CCDC33: variants seen among roughly 807,000 people sequenced by gnomAD.
CCDC33 encodes the protein coiled-coil domain-containing protein 33.
CCDC33 carries 94 observed loss-of-function variants against 91.9 expected under a neutral mutation model. The observed-to-expected ratio is 1.02, with a 90% CI of 0.87 to 1.21. CCDC33 has a LOEUF of 1.21. Among genes scored for constraint, CCDC33 ranks in the 50% most tolerant of loss-of-function variants. The pLI is 0.00. For missense variants in CCDC33, 940 were observed against 935.5 expected, an observed-to-expected ratio of 1.00 and a Z score of -0.06; for synonymous variants, 396 against 374.5, an observed-to-expected ratio of 1.06 and a Z score of -0.66.
At chr15:74,325,117 C>A (rs1016194514) in intron 11 of CCDC33, among the ~76,000 whole-genome samples, 2 of 151,976 alleles carry the variant, frequency 1.3e-5, no homozygotes, top group African/African-American at 4.8e-5. Flanking sequence ...CTCCACCCAG[C>A]AAGGGTCCCT....
rs2059344409 is a variant in CCDC33, at chr15:74,280,745, A to G, written c.967A>G (p.Lys323Glu). ...VLPLKSRLYQ[K>E]MLTGKGLDGL... ...GCCGCTAAAGAGCCGTTTGTACCAG[A>G]AGATGCTGACAGGGAAAGGCTTGGA... Residue 323 changes from lysine (K) to glutamate (E), a missense_variant, in exon 9 of 19, where the codon AAG (lysine) becomes GAG (glutamate). By Grantham distance (56) the Lys-to-Glu change is moderately conservative. Transcript: ENST00000398814. The G allele has an allele frequency of 1.3e-6, 2 of 1,578,892 alleles. No homozygotes were observed. The highest frequency in any genetic ancestry group is 1.7e-6 in the Non-Finnish European group (2 of 1,162,320).
In CCDC33 at chr15:74,330,225, G is replaced by A; in HGVS notation, c.1327G>A (p.Ala443Thr). Residue 443 changes from alanine to threonine, a missense_variant, in exon 12 of 19, where the codon GCA becomes ACA. Coordinates refer to ENST00000398814, the MANE Select transcript of CCDC33 (RefSeq NM_025055.5). ...NNYRRAMQKM[A>T]EDILSLRRQA... Reference sequence around the variant, plus strand: ...CTACCGGCGGGCCATGCAGAAGATGGCAGAGGACATCCTGTCTCTGCGGAG... The same window carrying A: ...CTACCGGCGGGCCATGCAGAAGATGACAGAGGACATCCTGTCTCTGCGGAG... The A allele has an allele frequency of 6.2e-7, 1 of 1,612,326 alleles. No homozygotes were observed. The highest frequency in any genetic ancestry group is 8.5e-7 in the Non-Finnish European group (1 of 1,179,174).
At chr15:74,267,402 G>T (rs973644248) in intron 4 of CCDC33, among the ~76,000 whole-genome samples, 3 of 152,234 alleles carry the variant, frequency 2.0e-5, no homozygotes, top group Non-Finnish European at 4.4e-5. Flanking sequence ...CCCCTGGAGT[G>T]AGCAACTGGG....
intron 10 of CCDC33, among the ~76,000 whole-genome samples, chr15:74,293,035 G>A (rs1214513606): frequency 6.6e-6 from 1 of 152,200 alleles, no homozygotes; most frequent in Admixed American, 6.5e-5. Flanking sequence ...GCTCTGACCA[G>A]GGGCTCAGTA....
chr15:74,224,867 G>A (rs2074737149), intron 2 of CCDC33, among the ~76,000 whole-genome samples: 2 of 152,178 alleles, frequency 1.3e-5, no homozygotes, highest in Admixed American at 1.3e-4. Flanking sequence ...CTAGAAAATA[G>A]GATTGCTCCT....
intron 7 of CCDC33, among the ~76,000 whole-genome samples, chr15:74,276,472 C>T: frequency 6.6e-6 from 1 of 152,186 alleles, no homozygotes; most frequent in Non-Finnish European, 1.5e-5. Flanking sequence ...CCTCTCTCAG[C>T]CCCACAGCTG....
At chr15:74,247,723 C>T (rs931033439) in intron 2 of CCDC33, among the ~76,000 whole-genome samples, 14 of 152,248 alleles carry the variant, frequency 9.2e-5, no homozygotes, top group African/African-American at 2.9e-4. Context: ...GATACAAACT[C>T]TCAGTTTTGG....
chr15:74,283,166 G>T (rs2059401304), intron 10 of CCDC33, among the ~76,000 whole-genome samples: 1 of 152,192 alleles, frequency 6.6e-6, no homozygotes, highest in South Asian at 2.1e-4. Flanking sequence ...GTTCAGGATT[G>T]CCCTCTCAAG....
At chr15:74,291,278 A>G (rs1381627970) in intron 10 of CCDC33, among the ~76,000 whole-genome samples, 2 of 152,248 alleles carry the variant, frequency 1.3e-5, no homozygotes, top group African/African-American at 4.8e-5. Flanking sequence ...AGAACCTACA[A>G]CTGCAGCCAC....
chr15:74,218,758 A>G lies in CCDC33; in HGVS notation c.572A>G (p.His191Arg). ...AGCCTGGCCTACAGTGTGGCCTTCCACGTCCACCGGGGCCCTCAGCCTCCA... is the reference window on the plus strand; with the variant it reads ...AGCCTGGCCTACAGTGTGGCCTTCCGCGTCCACCGGGGCCCTCAGCCTCCA... Residue 191 changes from histidine (H) to arginine (R), a missense_variant, in exon 2 of 3, where the codon CAC becomes CGC. His to Arg is a conservative substitution (Grantham distance 29). Coordinates refer to the CCDC33 transcript ENST00000635913. This position sits in a 1 kb window ranked among gnomAD's most constrained non-coding sequence, Gnocchi z 4.8. The G allele has an allele frequency of 7.8e-7, 1 of 1,289,432 alleles. No individual in the cohort carries two copies. The highest frequency in any genetic ancestry group is 1.0e-6 in the Non-Finnish European group (1 of 988,666). 79.9% of individuals were successfully genotyped at this position (1,289,432 alleles called of 1,614,324 possible). A position where few individuals can be genotyped will look rare whatever the true frequency, so the allele number is the denominator to read the frequency against.
chr15:74,285,292 C>T (rs1262210788), intron 10 of CCDC33, among the ~76,000 whole-genome samples: 1 of 152,208 alleles, frequency 6.6e-6, no homozygotes, highest in African/African-American at 2.4e-5. Flanking sequence ...CCCGCCACTA[C>T]CACGTCACCC....
chr15:74,231,144 C>T (rs1028586802), intron 2 of CCDC33, among the ~76,000 whole-genome samples: 1 of 152,182 alleles, frequency 6.6e-6, no homozygotes. Flanking sequence ...AGGGCAGGCC[C>T]CCAGAGCCTC....
At chr15:74,317,238 G>T (rs1809500) in intron 11 of CCDC33, among the ~76,000 whole-genome samples, 72,542 of 151,972 alleles carry the variant, frequency 0.48, 19,731 homozygotes, top group Non-Finnish European at 0.61. Context: ...GCAGGCACCT[G>T]TAGTCCCAGC....
At chr15:74,243,310 G>A (rs1293516154) in intron 1 of CCDC33, among the ~76,000 whole-genome samples, 1 of 152,266 alleles carries the variant, frequency 6.6e-6, no homozygotes, top group African/African-American at 2.4e-5. Flanking sequence ...TGATGGGTGA[G>A]CTGAGGTGAG....
At chr15:74,291,412 T>C (rs2059582594) in intron 10 of CCDC33, among the ~76,000 whole-genome samples, 1 of 152,222 alleles carries the variant, frequency 6.6e-6, no homozygotes, top group African/African-American at 2.4e-5. Context: ...TTACTAGCGA[T>C]TGGAAGCAGA....
chr15:74,211,892 CTG>C (rs2074372256), intron 2 of CCDC33, among the ~76,000 whole-genome samples: 1 of 151,828 alleles, frequency 6.6e-6, no homozygotes, highest in Non-Finnish European at 1.5e-5. Context: ...CTGTCTAACT[CTG>C]TGTTTTCTCT....
chr15:74,251,961 G>A (rs757506124), intron 2 of CCDC33, among the ~76,000 whole-genome samples: 1 of 152,034 alleles, frequency 6.6e-6, no homozygotes, highest in Non-Finnish European at 1.5e-5. Flanking sequence ...CAGTTTAATC[G>A]CCACCCAGTC....
intron 1 of CCDC33, among the ~76,000 whole-genome samples, chr15:74,241,355 A>G (rs535201861): frequency 3.8e-4 from 58 of 152,324 alleles, no homozygotes; most frequent in African/African-American, 1.4e-3. Flanking sequence ...GAAGTAGGGG[A>G]GCAAGGCACA....
chr15:74,301,366 C>A (rs766650902), intron 11 of CCDC33: 2 of 152,392 alleles, frequency 1.3e-5, no homozygotes. Flanking sequence ...AAAACCAGAA[C>A]TCTCCACCCT....
Sources: gnomAD v4.1 joint callset for allele counts (sites outside exome capture counted in the v4.1 genomes callset) on GRCh38, gnomAD v4.1.1 for gene constraint, Gnocchi (gnomAD v3.1) non-coding constraint, MANE v1.5 for transcripts, NCBI Gene and HGNC (gene_info 2026-07-23, HGNC 2026-07-21) for gene names.